Variants in CNTN4 observed in about 807,000 individuals in gnomAD.
The protein encoded by CNTN4 is contactin 4, also known as contactin-4.
A neutral mutation model predicts 122.5 loss-of-function variants in CNTN4; 77 were observed. That is an observed-to-expected ratio of 0.63 (90% CI 0.52 to 0.76). The LOEUF (loss-of-function observed/expected upper bound fraction) is 0.76. Ranked by LOEUF, CNTN4 falls within the 30% of genes least tolerant of loss-of-function variation. CNTN4 has a pLI of 0.00. For synonymous variants in CNTN4, 512 were observed against 447.0 expected, an observed-to-expected ratio of 1.15 and a Z score of -1.83; for missense variants, 1,256 against 1,259.1, an observed-to-expected ratio of 1.00 and a Z score of 0.04.
chr3:2,593,343 G>A (rs1163655310), intron 4 of CNTN4, among the ~76,000 whole-genome samples: 1 of 152,154 alleles, frequency 6.6e-6, no homozygotes, highest in African/African-American at 2.4e-5. Context: ...CCTACTAAAT[G>A]AATCTACCTC....
At chr3:2,497,952 T>G (rs1451004307) in intron 3 of CNTN4, among the ~76,000 whole-genome samples, 1 of 152,174 alleles carries the variant, frequency 6.6e-6, no homozygotes, top group Non-Finnish European at 1.5e-5. Flanking sequence ...CTACTCTTTT[T>G]CTCTACCTTT....
intron 4 of CNTN4, among the ~76,000 whole-genome samples, chr3:2,622,545 G>T (rs2082030545): frequency 6.6e-6 from 1 of 152,146 alleles, no homozygotes. Flanking sequence ...GAGCTTGCTG[G>T]GATTACAGGT....
chr3:2,559,280 C>G (rs922577279), intron 3 of CNTN4, among the ~76,000 whole-genome samples: 2 of 152,138 alleles, frequency 1.3e-5, no homozygotes, highest in Non-Finnish European at 2.9e-5. Context: ...CAGAGAATGG[C>G]AAACTTCGCA....
chr3:2,297,965 C>G (rs1281080898), intron 2 of CNTN4, among the ~76,000 whole-genome samples: 2 of 152,154 alleles, frequency 1.3e-5, no homozygotes, highest in Non-Finnish European at 2.9e-5. Context: ...CTCCTGAGCT[C>G]TAGCATCCTG....
chr3:2,207,455 T>G (rs1028173433), intron 2 of CNTN4, among the ~76,000 whole-genome samples: 1 of 151,830 alleles, frequency 6.6e-6, no homozygotes, highest in Non-Finnish European at 1.5e-5. Flanking sequence ...AACAGACAAA[T>G]GATAAGAAAG....
chr3:2,314,039 T>C (rs2043007454), intron 2 of CNTN4, among the ~76,000 whole-genome samples: 1 of 152,054 alleles, frequency 6.6e-6, no homozygotes, highest in African/African-American at 2.4e-5. Context: ...TTTTAAAATG[T>C]ACTGTTTTTA....
At chr3:2,525,813 ATAT>A (rs1268843171) in intron 3 of CNTN4, among the ~76,000 whole-genome samples, 3 of 152,200 alleles carry the variant, frequency 2.0e-5, no homozygotes, top group Non-Finnish European at 4.4e-5. Context: ...GGTTGATTAA[ATAT>A]TATTCAGTTT....
intron 6 of CNTN4, among the ~76,000 whole-genome samples, chr3:2,776,998 T>G (rs951667987): frequency 6.8e-6 from 1 of 147,930 alleles, no homozygotes; most frequent in African/African-American, 2.4e-5. Context: ...GTTTTGTTTT[T>G]AAGACAGACT....
chr3:2,602,626 G>A (rs969320327), intron 4 of CNTN4, among the ~76,000 whole-genome samples: 3 of 152,140 alleles, frequency 2.0e-5, no homozygotes, highest in Admixed American at 2.0e-4. Flanking sequence ...CATGCTCATG[G>A]ATAGGAAGAA....
Position 2,925,982 on chromosome 3 carries a change from C to T in CNTN4, c.1358+203C>T, listed in dbSNP as rs529720422. 6.6e-5 allele frequency among the ~76,000 whole-genome samples: 10 copies of T among 152,240 alleles called. 1 individual carries two copies. The highest frequency in any genetic ancestry group is 3.9e-4 in the East Asian group (2 of 5,178). On this transcript the variant is annotated intron_variant, in intron 13 of 24. Coordinates refer to ENST00000418658, the MANE Select transcript of CNTN4 (RefSeq NM_175607.3). ...GATTTGGGAATTCTACAAAGCACTC[C>T]GTGCAGAGATAGATCACATGATCCC...
chr3:3,044,499 C>T (rs1700442478), intron 23 of CNTN4, among the ~76,000 whole-genome samples: 1 of 152,152 alleles, frequency 6.6e-6, no homozygotes, highest in African/African-American at 2.4e-5. Flanking sequence ...GAGGCCTTTC[C>T]CCACGGATAA....
intron 3 of CNTN4, among the ~76,000 whole-genome samples, chr3:2,483,373 A>G (rs140925979): frequency 0.018 from 2,773 of 152,234 alleles, 81 homozygotes; most frequent in African/African-American, 0.061. Flanking sequence ...TTACCACCTC[A>G]TAGGCAGAAG....
At chr3:2,227,869 T>G (rs1458085115) in intron 2 of CNTN4, among the ~76,000 whole-genome samples, 1 of 152,146 alleles carries the variant, frequency 6.6e-6, no homozygotes, top group Non-Finnish European at 1.5e-5. Flanking sequence ...AAACCACAGT[T>G]AATTTAGTAA....
intron 2 of CNTN4, among the ~76,000 whole-genome samples, chr3:2,230,942 C>A (rs1349829521): frequency 1.3e-5 from 2 of 151,986 alleles, no homozygotes; most frequent in Non-Finnish European, 2.9e-5. Flanking sequence ...GAGCCATGAT[C>A]ATGCCACTGC....
At chr3:2,612,363 C>T (rs1194508828) in intron 4 of CNTN4, among the ~76,000 whole-genome samples, 1 of 152,028 alleles carries the variant, frequency 6.6e-6, no homozygotes, top group Non-Finnish European at 1.5e-5. Flanking sequence ...CTGAATACCT[C>T]ATGTAGTTTA....
chr3:2,252,844 AT>A (rs1408939121), intron 2 of CNTN4, among the ~76,000 whole-genome samples: 3 of 152,108 alleles, frequency 2.0e-5, no homozygotes, highest in Admixed American at 2.0e-4. Context: ...AGAAAGCCAG[AT>A]TGTCTCCCAA....
At chr3:2,859,530 C>T (rs956179955) in intron 7 of CNTN4, among the ~76,000 whole-genome samples, 1 of 113,878 alleles carries the variant, frequency 8.8e-6, no homozygotes, top group African/African-American at 3.5e-5. Context: ...AAAAAGGATG[C>T]TTTCCTGGTT....
chr3:2,108,382 C>T (rs937435880), intron 2 of CNTN4, among the ~76,000 whole-genome samples: 2 of 152,136 alleles, frequency 1.3e-5, no homozygotes, highest in African/African-American at 4.8e-5. Context: ...TAATATCTGT[C>T]ATGAGAATGA....
intron 3 of CNTN4, among the ~76,000 whole-genome samples, chr3:2,506,814 G>A (rs1219736980): frequency 6.6e-6 from 1 of 152,148 alleles, no homozygotes; most frequent in African/African-American, 2.4e-5. Flanking sequence ...AGACGGGAGA[G>A]GGAGTGCAAG....
Sources: gnomAD v4.1 joint callset for allele counts (sites outside exome capture counted in the v4.1 genomes callset) on GRCh38, gnomAD v4.1.1 for gene constraint, MANE v1.5 for transcripts, NCBI Gene and HGNC (gene_info 2026-07-23, HGNC 2026-07-21) for gene names.